CLYBL: variants seen among roughly 807,000 people sequenced by gnomAD.
CLYBL encodes citramalyl-CoA lyase.
In CLYBL, 31 loss-of-function variants were observed where a neutral mutation model predicts 38.9. The observed-to-expected ratio is 0.80, with a 90% confidence interval of 0.60 to 1.08. The LOEUF (loss-of-function observed/expected upper bound fraction) is 1.08, where lower values mean the gene tolerates loss of function less well. Among genes scored for constraint, CLYBL ranks in the 50% least tolerant of loss-of-function variants. CLYBL has a pLI of 0.00. For missense variants in CLYBL, 434 were observed against 411.6 expected, an observed-to-expected ratio of 1.05 and a Z score of -0.47; for synonymous variants, 171 against 158.6, an observed-to-expected ratio of 1.08 and a Z score of -0.59.
At chr13:99,772,788 C>A (rs377368871) in intron 1 of CLYBL, 36 bp from the exon 2 acceptor site, 2 of 1,493,458 alleles carry the variant, frequency 1.3e-6, no homozygotes, top group South Asian at 1.3e-5. Flanking sequence ...ATACAGAAAT[C>A]TCATTCTGGA....
rs574332871 is a variant in CLYBL at position 99,886,491 on chromosome 13, C to T, written c.928-4827C>T. ...CTGTTTCCTTCCTACGCGGAAGACA[C>T]GTGTGCTATGGTGATACTGGCCTTC... On this transcript the variant is annotated intron_variant, in intron 7 of 8. Coordinates refer to ENST00000339105, the MANE Select transcript of CLYBL (RefSeq NM_206808.5). Among the ~76,000 whole-genome samples the T allele has an allele frequency of 6.6e-5, 10 of 152,336 alleles. No individual in the cohort carries two copies. In the East Asian group the frequency reaches 1.7e-3, roughly 26 times the overall value.
chr13:99,837,515 A>G (rs188510747), intron 2 of CLYBL, among the ~76,000 whole-genome samples: 3 of 152,248 alleles, frequency 2.0e-5, no homozygotes, highest in Non-Finnish European at 4.4e-5. Context: ...AGCAGAAATT[A>G]TCATGATTTC....
At chr13:99,806,090 TG>T (rs1255177091) in intron 2 of CLYBL, among the ~76,000 whole-genome samples, 2 of 151,936 alleles carry the variant, frequency 1.3e-5, no homozygotes, top group Non-Finnish European at 2.9e-5. Context: ...AAGAGTTTCA[TG>T]TACATAACTT....
At chr13:99,813,614 C>A (rs1013970883) in intron 2 of CLYBL, among the ~76,000 whole-genome samples, 2 of 152,200 alleles carry the variant, frequency 1.3e-5, no homozygotes, top group African/African-American at 2.4e-5. Flanking sequence ...TAACTTACCA[C>A]TAACTAACTG....
At chr13:99,624,919 A>G (rs1843581299) in intron 1 of CLYBL, among the ~76,000 whole-genome samples, 1 of 152,090 alleles carries the variant, frequency 6.6e-6, no homozygotes, top group South Asian at 2.1e-4. Flanking sequence ...TTTATCTTGA[A>G]ATTCTTTCTG....
chr13:99,714,813 G>A (rs2048287678), intron 1 of CLYBL, among the ~76,000 whole-genome samples: 1 of 151,932 alleles, frequency 6.6e-6, no homozygotes, highest in Non-Finnish European at 1.5e-5. Context: ...GCCAGGCATG[G>A]TGGCGGGTGC....
At chr13:99,755,286 A>G (rs2049042498) in intron 1 of CLYBL, among the ~76,000 whole-genome samples, 1 of 152,168 alleles carries the variant, frequency 6.6e-6, no homozygotes, top group Admixed American at 6.5e-5. Flanking sequence ...GAAGTGTACA[A>G]ACCATGTCAT....
At chr13:99,608,187 G>T (rs2046562129) in intron 1 of CLYBL, among the ~76,000 whole-genome samples, 1 of 146,890 alleles carries the variant, frequency 6.8e-6, no homozygotes, top group Admixed American at 6.9e-5. Flanking sequence ...TTCTCCTGCC[G>T]CAGCCTCCGG....
intron 1 of CLYBL, among the ~76,000 whole-genome samples, chr13:99,675,323 A>ATATACTTTATGTGTC (rs150759968): frequency 0.32 from 48,302 of 151,866 alleles, 8,070 homozygotes; most frequent in East Asian, 0.55. Flanking sequence ...CTATATGTGT[A>ATATACTTTATGTGTC]TATACTTTAT....
chr13:99,737,885 T>G, intron 1 of CLYBL, among the ~76,000 whole-genome samples: 1 of 151,244 alleles, frequency 6.6e-6, no homozygotes, highest in East Asian at 1.9e-4. Context: ...TTTTCTAACC[T>G]TTTTTTTTGG....
intron 1 of CLYBL, among the ~76,000 whole-genome samples, chr13:99,617,021 G>A (rs572361539): frequency 6.6e-6 from 1 of 151,924 alleles, no homozygotes; most frequent in African/African-American, 2.4e-5. Context: ...AGAAAGTAAG[G>A]TTTCTATTTT....
chr13:99,739,384 G>A (rs1315703896), intron 1 of CLYBL, among the ~76,000 whole-genome samples: 1 of 152,142 alleles, frequency 6.6e-6, no homozygotes, highest in African/African-American at 2.4e-5. Flanking sequence ...CTCTGGCCAG[G>A]CTCAAAAATG....
At chr13:99,874,610 A>T (rs1221810360) in intron 7 of CLYBL, among the ~76,000 whole-genome samples, 1 of 152,188 alleles carries the variant, frequency 6.6e-6, no homozygotes, top group Non-Finnish European at 1.5e-5. Context: ...GCAAATAATC[A>T]TCTAATATTG....
intron 2 of CLYBL, among the ~76,000 whole-genome samples, chr13:99,790,501 CT>C (rs1351393402): frequency 1.3e-5 from 2 of 152,146 alleles, no homozygotes; most frequent in African/African-American, 4.8e-5. Flanking sequence ...GTTGAAAATT[CT>C]TTTCTTTAAG....
intron 1 of CLYBL, among the ~76,000 whole-genome samples, chr13:99,678,008 G>A (rs1157877880): frequency 6.6e-6 from 1 of 152,124 alleles, no homozygotes; most frequent in Non-Finnish European, 1.5e-5. Context: ...TGCAATATTT[G>A]GAGGAAACCG....
At chr13:99,708,930 T>C (rs1017917984) in intron 1 of CLYBL, among the ~76,000 whole-genome samples, 1 of 151,878 alleles carries the variant, frequency 6.6e-6, no homozygotes, top group African/African-American at 2.4e-5. Flanking sequence ...CTGTCTCTAC[T>C]AAAAATACAA....
chr13:99,823,028 A>G (rs575757632), intron 2 of CLYBL, among the ~76,000 whole-genome samples: 2 of 152,202 alleles, frequency 1.3e-5, no homozygotes, highest in East Asian at 1.9e-4. Flanking sequence ...TCAACATTCA[A>G]TGTTACTTAA....
chr13:99,814,539 A>T (rs185319113), intron 2 of CLYBL, among the ~76,000 whole-genome samples: 1 of 152,282 alleles, frequency 6.6e-6, no homozygotes, highest in African/African-American at 2.4e-5. Flanking sequence ...CCTGGGCAAC[A>T]TGGTGAGAGA....
intron 1 of CLYBL, among the ~76,000 whole-genome samples, chr13:99,698,431 T>C (rs2048012167): frequency 6.6e-6 from 1 of 152,030 alleles, no homozygotes; most frequent in Non-Finnish European, 1.5e-5. Flanking sequence ...TGGGTCCCCA[T>C]CAGAATTACG....
Sources: gnomAD v4.1 joint callset for allele counts (sites outside exome capture counted in the v4.1 genomes callset) on GRCh38, gnomAD v4.1.1 for gene constraint, MANE v1.5 for transcripts, NCBI Gene and HGNC (gene_info 2026-07-23, HGNC 2026-07-21) for gene names.